The following PCDH17 variants were observed in gnomAD, a reference collection of about 807,000 sequenced individuals.
The protein encoded by PCDH17 is protocadherin 17, also known as protocadherin-17.
Under a neutral mutation model 67.7 loss-of-function variants are expected in PCDH17, and 21 were observed. The observed-to-expected ratio is 0.31, with a 90% CI of 0.22 to 0.45. The LOEUF (loss-of-function observed/expected upper bound fraction) is 0.45, where lower values mean the gene tolerates loss of function less well. Ranked by LOEUF, PCDH17 falls within the 20% of genes least tolerant of loss-of-function variation. The pLI is 1.00. For synonymous variants in PCDH17, 701 were observed against 656.7 expected (o/e 1.07, Z -1.03); for missense variants, 1,471 against 1,564.8 (o/e 0.94, Z 1.01).
chr13:57,714,730 T>C (rs994912766), intron 3 of PCDH17, among the ~76,000 whole-genome samples: 2 of 151,774 alleles, frequency 1.3e-5, no homozygotes, highest in Non-Finnish European at 2.9e-5. Flanking sequence ...CTTTCAAGAC[T>C]CTAAAATTAC....
intron 1 of PCDH17, among the ~76,000 whole-genome samples, chr13:57,655,871 A>AT (rs1010166534): frequency 2.2e-4 from 33 of 151,660 alleles, no homozygotes; most frequent in African/African-American, 8.0e-4. Flanking sequence ...GTAATTGTAA[A>AT]AAAATTTTCA....
intron 1 of PCDH17, among the ~76,000 whole-genome samples, chr13:57,659,842 C>T (rs1261753602): frequency 6.6e-6 from 1 of 152,120 alleles, no homozygotes; most frequent in East Asian, 1.9e-4. Context: ...GAAGCTACTA[C>T]TTTGCAACAA....
intron 3 of PCDH17, among the ~76,000 whole-genome samples, chr13:57,710,352 C>T (rs1158641015): frequency 6.6e-6 from 1 of 151,722 alleles, no homozygotes; most frequent in Non-Finnish European, 1.5e-5. Context: ...CTTTACATAG[C>T]AGCCCCATAT....
At chr13:57,640,890 A>C (rs112684419) in intron 1 of PCDH17, among the ~76,000 whole-genome samples, 1 of 152,122 alleles carries the variant, frequency 6.6e-6, no homozygotes, top group East Asian at 1.9e-4. Context: ...TTACAAATGC[A>C]CCCGCTAATT....
At chr13:57,674,190 A>G (rs866361456) in intron 3 of PCDH17, among the ~76,000 whole-genome samples, 10 of 151,980 alleles carry the variant, frequency 6.6e-5, no homozygotes, top group Middle Eastern at 3.2e-3. Context: ...TGCTGGGACT[A>G]TATTTCCAAA....
chr13:57,652,226 C>G (rs1295841968), intron 1 of PCDH17, among the ~76,000 whole-genome samples: 1 of 140,818 alleles, frequency 7.1e-6, no homozygotes, highest in Non-Finnish European at 1.5e-5. Context: ...TGCAGTGAGC[C>G]GAGATTGCGC....
intron 1 of PCDH17, among the ~76,000 whole-genome samples, chr13:57,649,129 A>G (rs1255681751): frequency 1.3e-5 from 2 of 152,094 alleles, no homozygotes; most frequent in Non-Finnish European, 1.5e-5. Flanking sequence ...CCAGATGTAC[A>G]CAGCTTAACC....
chr13:57,652,134 C>A (rs1391257358), intron 1 of PCDH17, among the ~76,000 whole-genome samples: 2 of 151,498 alleles, frequency 1.3e-5, no homozygotes. Context: ...AAAAATTAGC[C>A]GGGCGCGGTG....
At chr13:57,693,137 T>G (rs893082880) in intron 3 of PCDH17, among the ~76,000 whole-genome samples, 1 of 150,348 alleles carries the variant, frequency 6.7e-6, no homozygotes, top group Non-Finnish European at 1.5e-5. Context: ...TTTCATTTAT[T>G]TCCACGGTTT....
upstream of PCDH17, among the ~76,000 whole-genome samples, chr13:57,630,144 C>G (rs1451957047): frequency 6.6e-6 from 1 of 152,160 alleles, no homozygotes; most frequent in African/African-American, 2.4e-5. Flanking sequence ...GCAGGGATCG[C>G]GAGCCCGGCG....
chr13:57,656,191 A>G (rs1955100892), intron 1 of PCDH17, among the ~76,000 whole-genome samples: 1 of 152,120 alleles, frequency 6.6e-6, no homozygotes, highest in African/African-American at 2.4e-5. Flanking sequence ...AAGACACTGT[A>G]CTCCAAATCT....
At position 57,669,888 on chromosome 13, in the gene PCDH17, A is replaced by G. The variant is rs185636585; in HGVS notation, c.2797+3055A>G. The stretch of plus-strand genomic sequence containing the variant: ...TAAGTAAAAACCAGTTAATGTGTGC[A>G]AACCAAGGGGGAGAAGATCAAAATA... On this transcript the variant is annotated intron_variant, in intron 3 of 3. Transcript: ENST00000377918. Among the ~76,000 whole-genome samples the G allele has an allele frequency of 9.3e-4, 142 of 152,158 alleles. 1 individual carries two copies. Among genetic ancestry groups the G allele is most frequent in the Middle Eastern group, 3.4e-3 (1 of 294 alleles).
At chr13:57,681,917 C>T (rs2138049004) in intron 3 of PCDH17, among the ~76,000 whole-genome samples, 1 of 151,838 alleles carries the variant, frequency 6.6e-6, no homozygotes, top group Admixed American at 6.6e-5. Flanking sequence ...CTACATTATA[C>T]ACACAAATTT....
rs1955922636 is a variant in PCDH17 at position 57,727,324 on chromosome 13, G to A, written c.*2030G>A. On this transcript the variant is annotated 3_prime_UTR_variant, in exon 4 of 4. Transcript: ENST00000377918. ...TGGATAATTTTGTGCCTTCTCTTCT[G>A]GCCACCAAGCCAGTGTAGAAACAGC... 6.6e-6 allele frequency: 1 copy of A among 152,434 alleles called. No individual in the cohort carries two copies. The highest frequency in any genetic ancestry group is 2.4e-5 in the African/African-American group (1 of 41,374). The allele number at this position is 152,434 out of a possible 1,614,324, so 9.4% of individuals were successfully genotyped here. A position where few individuals can be genotyped will look rare whatever the true frequency, so the allele number is the denominator to read the frequency against.
chr13:57,698,106 A>T (rs926157316), intron 3 of PCDH17, among the ~76,000 whole-genome samples: 1 of 151,722 alleles, frequency 6.6e-6, no homozygotes, highest in Admixed American at 6.6e-5. Context: ...TTAATCAAGT[A>T]ACATTTTACC....
intron 3 of PCDH17, among the ~76,000 whole-genome samples, chr13:57,677,684 A>G (rs1955407824): frequency 6.6e-6 from 1 of 151,850 alleles, no homozygotes; most frequent in African/African-American, 2.4e-5. Flanking sequence ...ATCTAACACA[A>G]TGAAGTTCAA....
intron 3 of PCDH17, among the ~76,000 whole-genome samples, chr13:57,691,632 G>T (rs940688323): frequency 1.3e-5 from 2 of 151,142 alleles, no homozygotes; most frequent in Non-Finnish European, 3.0e-5. Context: ...TGTAGTATGT[G>T]TACACATCAA....
chr13:57,638,924 A>T (rs1168479454), intron 1 of PCDH17, among the ~76,000 whole-genome samples: 1 of 152,090 alleles, frequency 6.6e-6, no homozygotes, highest in East Asian at 1.9e-4. Flanking sequence ...ATGATCTTCA[A>T]AATTTCATAC....
chr13:57,709,952 G>A (rs1472876135), intron 3 of PCDH17, among the ~76,000 whole-genome samples: 3 of 151,884 alleles, frequency 2.0e-5, no homozygotes, highest in Admixed American at 6.6e-5. Flanking sequence ...AAGCTGTATA[G>A]TGTTAACGGT....
Sources: allele counts gnomAD v4.1 joint callset (sites outside exome capture counted in the v4.1 genomes callset), GRCh38; gene constraint gnomAD v4.1.1; transcripts MANE v1.5; gene names NCBI Gene and HGNC (gene_info 2026-07-23, HGNC 2026-07-21).